Variants in FHIT observed in about 807,000 individuals in gnomAD.
FHIT encodes fragile histidine triad diadenosine triphosphatase.
A neutral mutation model predicts 17.9 loss-of-function variants in FHIT; 19 were observed. The observed-to-expected ratio is 1.06, with a 90% confidence interval of 0.74 to 1.56. FHIT has a LOEUF of 1.56. Among genes scored for constraint, FHIT ranks in the 40% most tolerant of loss-of-function variants. The pLI is 0.00. For missense variants in FHIT, 248 were observed against 189.2 expected (o/e 1.31, Z -1.82); for synonymous variants, 81 against 69.7 (o/e 1.16, Z -0.81).
At chr3:60,671,562 T>G (rs2107842870) in intron 4 of FHIT, among the ~76,000 whole-genome samples, 1 of 152,292 alleles carries the variant, frequency 6.6e-6, no homozygotes, top group South Asian at 2.1e-4. Flanking sequence ...ATACGTTTAA[T>G]TTTTTCATAA....
rs1575470698 is a variant in FHIT, at chr3:59,773,266, C to T, written c.349-20945G>A. Among the ~76,000 whole-genome samples the T allele has an allele frequency of 2.6e-5, 4 of 152,138 alleles. No homozygotes were observed. The South Asian group carries it at 6.2e-4, about 24-fold the overall frequency. On this transcript the variant is annotated intron_variant, in intron 8 of 9. Transcript: ENST00000492590. ...GAGCTCACAGCCCCGGTGGGTGACC[C>T]GGAAAATAAGCAGGCACCTGCAAAA...
At chr3:59,950,850 G>A (rs892649215) in intron 7 of FHIT, among the ~76,000 whole-genome samples, 3 of 152,172 alleles carry the variant, frequency 2.0e-5, no homozygotes, top group African/African-American at 7.2e-5. Context: ...AGAGCTCCCA[G>A]GATTCTACAG....
intron 4 of FHIT, among the ~76,000 whole-genome samples, chr3:60,609,800 C>T (rs562004207): frequency 6.6e-6 from 1 of 152,274 alleles, no homozygotes; most frequent in South Asian, 2.1e-4. Flanking sequence ...CAGAGTAAAA[C>T]TTCTAATCTT....
At chr3:59,835,871 T>A (rs915353011) in intron 8 of FHIT, among the ~76,000 whole-genome samples, 7 of 152,092 alleles carry the variant, frequency 4.6e-5, no homozygotes, top group African/African-American at 1.7e-4. Flanking sequence ...GGCCAAGCGG[T>A]ACATTACTAA....
At chr3:60,861,404 C>A (rs1479848695) in intron 3 of FHIT, among the ~76,000 whole-genome samples, 1 of 150,494 alleles carries the variant, frequency 6.6e-6, no homozygotes, top group Admixed American at 6.7e-5. Context: ...TTATGGAGGG[C>A]TGTCCTATGC....
At chr3:60,033,482 G>A (rs921302552) in intron 5 of FHIT, among the ~76,000 whole-genome samples, 2 of 147,592 alleles carry the variant, frequency 1.4e-5, no homozygotes, top group Non-Finnish European at 3.0e-5. Flanking sequence ...CAACAAGAAC[G>A]AAACTCCATC....
At chr3:61,251,238 G>C (rs1191366595) in intron 1 of FHIT, 63 bp downstream of exon 1, 1 of 152,280 alleles carries the variant, frequency 6.6e-6, no homozygotes, top group Non-Finnish European at 1.5e-5. Flanking sequence ...CCTGACGCGC[G>C]TGGAAACCCA....
intron 4 of FHIT, among the ~76,000 whole-genome samples, chr3:60,676,562 G>A (rs377429826): frequency 2.0e-5 from 3 of 152,272 alleles, no homozygotes; most frequent in Admixed American, 6.5e-5. Context: ...AGGACTTAAA[G>A]GTAGACAAAA....
At chr3:60,001,426 ATAG>A (rs1465985270) in intron 7 of FHIT, among the ~76,000 whole-genome samples, 1 of 152,180 alleles carries the variant, frequency 6.6e-6, no homozygotes, top group Non-Finnish European at 1.5e-5. Flanking sequence ...TATCTGGCAC[ATAG>A]TAGGTGATAG....
At chr3:61,231,620 A>G (rs1247049995) in intron 1 of FHIT, among the ~76,000 whole-genome samples, 1 of 152,258 alleles carries the variant, frequency 6.6e-6, no homozygotes, top group Non-Finnish European at 1.5e-5. Flanking sequence ...ATGGACAGTT[A>G]CTATGAACCA....
intron 8 of FHIT, among the ~76,000 whole-genome samples, chr3:59,884,440 G>T (rs1703534753): frequency 6.6e-6 from 1 of 152,058 alleles, no homozygotes; most frequent in Non-Finnish European, 1.5e-5. Flanking sequence ...ACACAATAAA[G>T]ATATACTTTA....
intron 4 of FHIT, among the ~76,000 whole-genome samples, chr3:60,764,514 TA>T (rs1553720912): frequency 1.3e-5 from 2 of 152,106 alleles, no homozygotes; most frequent in African/African-American, 2.4e-5. Flanking sequence ...AGTGGCAATG[TA>T]AACCTGGGGT....
intron 5 of FHIT, among the ~76,000 whole-genome samples, chr3:60,161,201 G>A (rs1451856763): frequency 6.6e-6 from 1 of 152,186 alleles, no homozygotes; most frequent in South Asian, 2.1e-4. Context: ...GCTATTAAAA[G>A]GTGGCAAATC....
chr3:60,193,584 T>C (rs773038851), intron 5 of FHIT, among the ~76,000 whole-genome samples: 23 of 152,150 alleles, frequency 1.5e-4, no homozygotes, highest in Non-Finnish European at 2.8e-4. Context: ...GAAATATGCA[T>C]ACCTATAACC....
chr3:60,366,921 A>G (rs115902709), intron 5 of FHIT, among the ~76,000 whole-genome samples: 86 of 152,300 alleles, frequency 5.6e-4, no homozygotes, highest in African/African-American at 2.0e-3. Flanking sequence ...CATTTTGTCA[A>G]CTTATATAGG....
chr3:61,034,759 AC>A (rs1421749965), intron 3 of FHIT, among the ~76,000 whole-genome samples: 1 of 152,168 alleles, frequency 6.6e-6, no homozygotes, highest in Non-Finnish European at 1.5e-5. Flanking sequence ...ATTACCATGT[AC>A]CCCAGAAATC....
At chr3:61,067,107 T>C (rs1297232453) in intron 2 of FHIT, among the ~76,000 whole-genome samples, 1 of 152,156 alleles carries the variant, frequency 6.6e-6, no homozygotes, top group Admixed American at 6.5e-5. Flanking sequence ...TGGCAGCACA[T>C]GACAGCATCT....
chr3:60,554,219 TTC>T (rs1219381986), intron 4 of FHIT, among the ~76,000 whole-genome samples: 8 of 150,420 alleles, frequency 5.3e-5, no homozygotes, highest in African/African-American at 2.0e-4. Flanking sequence ...GTTTTTTTCA[TTC>T]TGAGATTCAT....
At chr3:60,592,169 T>C (rs1282057891) in intron 4 of FHIT, among the ~76,000 whole-genome samples, 5 of 147,804 alleles carry the variant, frequency 3.4e-5, no homozygotes, top group African/African-American at 1.2e-4. Context: ...ATATATATAT[T>C]ATTATATATA....
Sources: gnomAD v4.1 joint callset for allele counts (sites outside exome capture counted in the v4.1 genomes callset) on GRCh38, gnomAD v4.1.1 for gene constraint, MANE v1.5 for transcripts, NCBI Gene and HGNC (gene_info 2026-07-23, HGNC 2026-07-21) for gene names.